Variants in SLC35E1 observed in about 807,000 individuals in gnomAD.
SLC35E1 encodes solute carrier family 35 member E1, also known as solute carrier family 35, member E1.
SLC35E1 carries 12 observed loss-of-function variants against 31.0 expected under a neutral mutation model. That is an observed-to-expected ratio of 0.39 (90% CI 0.25 to 0.63). SLC35E1 has a LOEUF of 0.63. Among genes scored for constraint, SLC35E1 ranks in the 20% least tolerant of loss-of-function variants. The pLI is 0.52. For missense variants in SLC35E1, 429 were observed against 572.2 expected (o/e 0.75, Z 2.55); for synonymous variants, 257 against 264.1 (o/e 0.97, Z 0.26).
chr19:16,556,735 G>A (rs778374693), intron 4 of SLC35E1, among the ~76,000 whole-genome samples: 2 of 152,212 alleles, frequency 1.3e-5, no homozygotes, highest in Admixed American at 6.5e-5. Context: ...GGACAGAGCT[G>A]GCTCAGCCCA....
intron 4 of SLC35E1, among the ~76,000 whole-genome samples, chr19:16,557,836 C>T (rs573875131): frequency 5.9e-5 from 9 of 152,204 alleles, no homozygotes; most frequent in East Asian, 5.8e-4. Context: ...TGTTTTGAGA[C>T]GGAGTCTTGC....
At chr19:16,569,676 T>C (rs748759336) in intron 2 of SLC35E1, among the ~76,000 whole-genome samples, 17 of 152,164 alleles carry the variant, frequency 1.1e-4, no homozygotes, top group Non-Finnish European at 2.2e-4. Context: ...TAAAACCCTG[T>C]CTGTATTGAA....
At position 16,553,877 on chromosome 19, in the gene SLC35E1, C is replaced by T. The variant is rs746690764; in HGVS notation, c.1035G>A (p.Lys345=). 6.2e-7 allele frequency: 1 copy of T among 1,612,010 alleles called. No individual in the cohort carries two copies. Among genetic ancestry groups the T allele is most frequent in the South Asian group, 1.1e-5 (1 of 90,808 alleles). The change falls in exon 6 of 6, where the codon AAG becomes AAA. Residue 345 remains lysine (K), a synonymous_variant. Coordinates refer to ENST00000595753, the MANE Select transcript of SLC35E1 (RefSeq NM_024881.5). ...CTGCTGTGGTGACGGGGAGGAGGTG[C>T]TTCCTGGCTTGCTGGTTTGCATCGT... ...TKYDANQQAR[K]HLLPVTTADL...
Position 16,555,712 on chromosome 19 carries a change from C to G in SLC35E1, c.757-315G>C. On this transcript the variant is annotated intron_variant, in intron 4 of 5. Coordinates refer to ENST00000595753, the MANE Select transcript of SLC35E1 (RefSeq NM_024881.5). The surrounding 1 kb of genome is among the most constrained non-coding windows in gnomAD (Gnocchi z 4.1). Reference sequence around the variant, plus strand: ...TCCCTGGCAGTGAACAGCCAGGAACCCTGGGTTTGGCAAAGCAGGGATCTG... The same window carrying G: ...TCCCTGGCAGTGAACAGCCAGGAACGCTGGGTTTGGCAAAGCAGGGATCTG... 1 of 349,700 alleles carries G rather than the reference C, an allele frequency of 2.9e-6. No individual in the cohort carries two copies. The highest frequency in any genetic ancestry group is 5.3e-6 in the Non-Finnish European group (1 of 186,948). The allele number at this position is 349,700 out of a possible 1,614,324, so 21.7% of individuals were successfully genotyped here. A position where few individuals can be genotyped will look rare whatever the true frequency, so the allele number is the denominator to read the frequency against.
chr19:16,560,882 A>C (rs1295123882), intron 4 of SLC35E1, among the ~76,000 whole-genome samples: 8 of 86,784 alleles, frequency 9.2e-5, no homozygotes, highest in Admixed American at 2.2e-4. Flanking sequence ...AAAAAAAACC[A>C]AAAAAAAAAA....
Position 16,553,512 on chromosome 19 carries a change from G to A in SLC35E1, c.*167C>T, listed in dbSNP as rs908240658. On this transcript the variant is annotated 3_prime_UTR_variant, in exon 6 of 6. Coordinates refer to ENST00000595753, the MANE Select transcript of SLC35E1 (RefSeq NM_024881.5). ...CACGGCCGTCTGCACTGCAGGCAAC[G>A]CATCCTCCTGCGGCTCACGGGGGGC... 2.3e-5 allele frequency: 12 copies of A among 523,090 alleles called. No individual in the cohort carries two copies. The South Asian group carries it at 4.7e-4, about 21-fold the overall frequency. The allele number at this position is 523,090 out of a possible 1,614,324, so 32.4% of individuals were successfully genotyped here.
chr19:16,571,639 T>C (rs2085959115), intron 1 of SLC35E1, 57 bp from the exon 2 acceptor site: 4 of 1,580,656 alleles, frequency 2.5e-6, no homozygotes, highest in Admixed American at 3.3e-5. Flanking sequence ...GCCCAACCTG[T>C]TCCACCTCCA....
At chr19:16,558,769 GTTT>G (rs560656652) in intron 4 of SLC35E1, among the ~76,000 whole-genome samples, 2 of 130,962 alleles carry the variant, frequency 1.5e-5, no homozygotes, top group Admixed American at 7.7e-5. Context: ...CATCCCTTGA[GTTT>G]TTTTTTTTTT....
intron 4 of SLC35E1, among the ~76,000 whole-genome samples, chr19:16,557,426 C>T (rs2122327563): frequency 6.6e-6 from 1 of 152,206 alleles, no homozygotes; most frequent in East Asian, 1.9e-4. Flanking sequence ...ATCTCCTGAC[C>T]TCGTGATCCA....
chr19:16,568,316 G>A (rs1433929937), intron 2 of SLC35E1, 147 bp from the exon 3 acceptor site: 51 of 1,127,332 alleles, frequency 4.5e-5, no homozygotes, highest in South Asian at 6.7e-5. Context: ...TGCCAGTGAC[G>A]CTCTGGTGGG....
At chr19:16,571,436 T>A in intron 2 of SLC35E1, 76 bp downstream of exon 2, 1 of 1,510,300 alleles carries the variant, frequency 6.6e-7, no homozygotes, top group South Asian at 1.1e-5. Context: ...ACCAGGATCC[T>A]GACCACGTCA....
intron 4 of SLC35E1, among the ~76,000 whole-genome samples, chr19:16,560,507 A>G (rs1032351516): frequency 2.0e-5 from 3 of 152,142 alleles, no homozygotes; most frequent in Admixed American, 6.5e-5. Context: ...TGCTGCCACC[A>G]ACGTAGGATT....
intron 4 of SLC35E1, among the ~76,000 whole-genome samples, chr19:16,564,448 G>C (rs1023383463): frequency 2.0e-5 from 3 of 152,104 alleles, no homozygotes; most frequent in African/African-American, 7.2e-5. Context: ...TGGGATTACA[G>C]GCGTGCACCA....
intron 4 of SLC35E1, among the ~76,000 whole-genome samples, chr19:16,561,213 CAAAAAAA>C (rs59176175): frequency 1.7e-3 from 41 of 24,740 alleles, no homozygotes; most frequent in African/African-American, 7.8e-3. Context: ...GACTCCATCT[CAAAAAAA>C]AAAAAAAAAA....
chr19:16,560,880 C>CAAAAAAAAAAAAAAAAAAAAAAAAA (rs1491054404), intron 4 of SLC35E1, among the ~76,000 whole-genome samples: 1 of 95,070 alleles, frequency 1.1e-5, no homozygotes, highest in African/African-American at 3.9e-5. Flanking sequence ...AAAAAAAAAA[C>CAAAAAAAAAAAAAAAAAAAAAAAAA]CAAAAAAAAA....
At chr19:16,567,520 C>A (rs1202869118) in intron 3 of SLC35E1, among the ~76,000 whole-genome samples, 2 of 152,072 alleles carry the variant, frequency 1.3e-5, no homozygotes, top group Non-Finnish European at 1.5e-5. Flanking sequence ...AAGAGCTTTT[C>A]TTTATTTTTT....
rs374628765 is a variant in SLC35E1, at chr19:16,571,505, G to A, written c.492+7C>T. On this transcript the variant is annotated splice_region_variant and intron_variant, in intron 2 of 5. Transcript: ENST00000595753. Reference sequence around the variant, plus strand: ...CCCATCTGCCCAGAGTCCCTGCCCGGGGTTACCTTGGTGCTCTGCTTCTCC... The same window carrying A: ...CCCATCTGCCCAGAGTCCCTGCCCGAGGTTACCTTGGTGCTCTGCTTCTCC... The A allele has an allele frequency of 1.2e-5, 19 of 1,613,632 alleles. No individual in the cohort carries two copies. The highest frequency in any genetic ancestry group is 1.5e-5 in the Non-Finnish European group (18 of 1,179,834).
At position 16,567,269 on chromosome 19, in the gene SLC35E1, C is replaced by A. The variant is rs1173316657; in HGVS notation, c.631-612G>T. Reference sequence around the variant, plus strand: ...CTCCTAGCCTCAAGTGATCCTCCTGCCTTGGCCTCCCAAAGTGCTGGGATT... The same window carrying A: ...CTCCTAGCCTCAAGTGATCCTCCTGACTTGGCCTCCCAAAGTGCTGGGATT... On this transcript the variant is annotated intron_variant, in intron 3 of 5. Transcript: ENST00000595753. Among the ~76,000 whole-genome samples, 3 of 152,142 alleles carry A rather than the reference C, an allele frequency of 2.0e-5. No individual in the cohort carries two copies. The East Asian group carries it at 5.8e-4, about 29-fold the overall frequency.
intron 3 of SLC35E1, among the ~76,000 whole-genome samples, chr19:16,567,751 G>C (rs2085939186): frequency 6.6e-6 from 1 of 151,798 alleles, no homozygotes; most frequent in Non-Finnish European, 1.5e-5. Flanking sequence ...ATGGGGTTTT[G>C]CCATATTGGT....
Sources: gnomAD v4.1 joint callset for allele counts (sites outside exome capture counted in the v4.1 genomes callset) on GRCh38, gnomAD v4.1.1 for gene constraint, Gnocchi (gnomAD v3.1) non-coding constraint, MANE v1.5 for transcripts, NCBI Gene and HGNC (gene_info 2026-07-23, HGNC 2026-07-21) for gene names.